Variants in GMDS observed in about 807,000 individuals in gnomAD.
GMDS encodes GDP-mannose 4,6-dehydratase.
GMDS carries 20 observed loss-of-function variants against 49.9 expected under a neutral mutation model. The observed-to-expected ratio is 0.40, with a 90% confidence interval of 0.28 to 0.58. The LOEUF is 0.58. Among genes scored for constraint, GMDS ranks in the 20% least tolerant of loss-of-function variants. The probability of loss-of-function intolerance (pLI) is 0.42; values close to 1 mark genes in which losing one functional copy is unlikely to be tolerated. For missense variants in GMDS, 362 were observed against 481.4 expected, an observed-to-expected ratio of 0.75 and a Z score of 2.32; for synonymous variants, 177 against 178.6, an observed-to-expected ratio of 0.99 and a Z score of 0.07.
At chr6:1,709,242 G>C (rs1765856771) in intron 9 of GMDS, among the ~76,000 whole-genome samples, 2 of 152,242 alleles carry the variant, frequency 1.3e-5, no homozygotes, top group South Asian at 2.1e-4. Context: ...TGAGGGGCCT[G>C]GCTAGAAAGT....
intron 1 of GMDS, among the ~76,000 whole-genome samples, chr6:2,183,764 C>T (rs1458074876): frequency 6.6e-6 from 1 of 152,130 alleles, no homozygotes; most frequent in Non-Finnish European, 1.5e-5. Flanking sequence ...GCCACAGCCA[C>T]CCCAACCTTC....
intron 6 of GMDS, chr6:1,952,242 C>A (rs1463091380): frequency 6.6e-6 from 1 of 151,884 alleles, no homozygotes; most frequent in Non-Finnish European, 1.5e-5. Context: ...GAAGCTCTTT[C>A]AAGGAAAAAA....
intron 7 of GMDS, among the ~76,000 whole-genome samples, chr6:1,801,423 T>A (rs1769944882): frequency 6.6e-6 from 1 of 152,234 alleles, no homozygotes; most frequent in Admixed American, 6.5e-5. Flanking sequence ...TGTTGGACCA[T>A]GAATATCAGA....
chr6:2,090,451 A>G lies in GMDS; in HGVS notation c.345+25320T>C, dbSNP rs553580406. On this transcript the variant is annotated intron_variant, in intron 4 of 10. Coordinates refer to ENST00000380815, the MANE Select transcript of GMDS (RefSeq NM_001500.4). ...TGTTATTAGGCCATCAACCAACAGT[A>G]CATAGAAAATACTCACAATGATGTA... Among the ~76,000 whole-genome samples the G allele has an allele frequency of 5.3e-5, 8 of 152,372 alleles. No individual in the cohort carries two copies. In the South Asian group the frequency reaches 1.4e-3, roughly 28 times the overall value.
At chr6:2,138,961 C>T (rs933717848) in intron 1 of GMDS, among the ~76,000 whole-genome samples, 22 of 152,128 alleles carry the variant, frequency 1.4e-4, no homozygotes, top group Admixed American at 1.3e-3. Context: ...GTACTCACTC[C>T]GCAACAGTAG....
chr6:1,706,674 C>T (rs556671939), intron 9 of GMDS, among the ~76,000 whole-genome samples: 3 of 152,362 alleles, frequency 2.0e-5, no homozygotes, highest in East Asian at 3.9e-4. Context: ...GTCCGCAGCA[C>T]GTGGCTGATT....
intron 7 of GMDS, among the ~76,000 whole-genome samples, chr6:1,862,613 T>G (rs536967627): frequency 2.0e-5 from 3 of 152,372 alleles, no homozygotes; most frequent in Admixed American, 1.3e-4. Flanking sequence ...GAGCTTGTAC[T>G]GATTAGTCTT....
chr6:1,960,039 C>A (rs1393380865), intron 5 of GMDS, 68 bp from the exon 6 acceptor site: 3 of 875,368 alleles, frequency 3.4e-6, no homozygotes, highest in Non-Finnish European at 5.5e-6. Flanking sequence ...CCATCTTCAA[C>A]AGTAACATCT....
chr6:1,824,520 C>G (rs577835570), intron 7 of GMDS, among the ~76,000 whole-genome samples: 28 of 152,212 alleles, frequency 1.8e-4, no homozygotes, highest in African/African-American at 6.5e-4. Flanking sequence ...AAAATATCAC[C>G]AAATGCCCAC....
At chr6:1,839,906 C>T (rs1042998368) in intron 7 of GMDS, among the ~76,000 whole-genome samples, 9 of 152,138 alleles carry the variant, frequency 5.9e-5, no homozygotes, top group African/African-American at 7.2e-5. Context: ...GTTTCGTCTT[C>T]GGCTCGCAAT....
rs115152665 is a variant in GMDS at position 1,764,644 on chromosome 6, G to A, written c.772-22058C>T. 8.7e-3 allele frequency among the ~76,000 whole-genome samples: 1,329 copies of A among 152,280 alleles called. 7 individuals carry two copies. Among genetic ancestry groups the A allele is most frequent in the Middle Eastern group, 0.037 (11 of 294 alleles). The stretch of plus-strand genomic sequence containing the variant: ...ATGCCTAAGAGATCATCACCGCTCC[G>A]TAACGATCGTCAAGATATGATGTGA... On this transcript the variant is annotated intron_variant, in intron 7 of 10. Coordinates refer to ENST00000380815, the MANE Select transcript of GMDS (RefSeq NM_001500.4).
intron 7 of GMDS, among the ~76,000 whole-genome samples, chr6:1,774,771 C>G (rs778023960): frequency 3.3e-5 from 5 of 152,230 alleles, no homozygotes; most frequent in Non-Finnish European, 5.9e-5. Flanking sequence ...AAGAAGCAAA[C>G]TTTCATCAGT....
intron 9 of GMDS, among the ~76,000 whole-genome samples, chr6:1,653,404 A>G (rs1581415292): frequency 6.6e-6 from 1 of 152,330 alleles, no homozygotes; most frequent in East Asian, 1.9e-4. Flanking sequence ...TGCAATCCCT[A>G]TCAAAATCCC....
chr6:2,200,627 C>A (rs1349202251), intron 1 of GMDS, among the ~76,000 whole-genome samples: 10 of 85,110 alleles, frequency 1.2e-4, no homozygotes, highest in East Asian at 1.1e-3. Context: ...AGCAGAGAGG[C>A]GAAGGATGAA....
chr6:2,079,463 T>C (rs555514720), intron 4 of GMDS, among the ~76,000 whole-genome samples: 1 of 152,248 alleles, frequency 6.6e-6, no homozygotes, highest in South Asian at 2.1e-4. Context: ...GTTTTACACA[T>C]TCATAAGTTT....
At chr6:2,097,683 G>C (rs574981644) in intron 4 of GMDS, among the ~76,000 whole-genome samples, 4,126 of 152,138 alleles carry the variant, frequency 0.027, 200 homozygotes, top group African/African-American at 0.095. Context: ...GAGGCCACGG[G>C]AAGAAGAGCT....
At position 1,853,443 on chromosome 6, in the gene GMDS, G is replaced by A. The variant is rs527570066; in HGVS notation, c.771+76660C>T. On this transcript the variant is annotated intron_variant, in intron 7 of 10. Coordinates refer to ENST00000380815, the MANE Select transcript of GMDS (RefSeq NM_001500.4). ...TGAGGCAGGAGAATGGCGTGAACCC[G>A]GGAGGCGGAGCTTGCAGTGAGCTGA... 4.8e-3 allele frequency among the ~76,000 whole-genome samples: 711 copies of A among 148,236 alleles called. 50 individuals are homozygous for A. The highest frequency in any genetic ancestry group is 0.017 in the African/African-American group (671 of 38,536).
intron 4 of GMDS, among the ~76,000 whole-genome samples, chr6:2,086,865 G>T (rs1181178087): frequency 6.6e-6 from 1 of 152,160 alleles, no homozygotes; most frequent in East Asian, 1.9e-4. Context: ...GTTGCCATGT[G>T]TTTGCTGCTG....
chr6:2,098,969 C>T (rs976686604), intron 4 of GMDS, among the ~76,000 whole-genome samples: 7 of 151,992 alleles, frequency 4.6e-5, no homozygotes, highest in South Asian at 2.1e-4. Context: ...CAAAAAAGGA[C>T]GCTTTGAAAA....
Sources: allele counts gnomAD v4.1 joint callset (sites outside exome capture counted in the v4.1 genomes callset), GRCh38; gene constraint gnomAD v4.1.1; transcripts MANE v1.5; gene names NCBI Gene and HGNC (gene_info 2026-07-23, HGNC 2026-07-21).